HERC2: variants seen among roughly 807,000 people sequenced by gnomAD.
The protein encoded by HERC2 is HECT and RLD domain containing E3 ubiquitin protein ligase 2, also known as E3 ubiquitin-protein ligase HERC2.
HERC2 carries 102 observed loss-of-function variants against 537.7 expected under a neutral mutation model. The observed-to-expected ratio is 0.19, with a 90% CI of 0.16 to 0.22. HERC2 has a LOEUF of 0.22. Ranked by LOEUF, HERC2 falls within the 10% of genes least tolerant of loss-of-function variation. The pLI is 1.00. For synonymous variants in HERC2, 2,224 were observed against 2,466.2 expected (o/e 0.90, Z 2.91); for missense variants, 4,236 against 6,198.2 (o/e 0.68, Z 10.63).
At chr15:28,316,019 G>A (rs561536828) in intron 2 of HERC2, 51 of 341,318 alleles carry the variant, frequency 1.5e-4, no homozygotes, top group African/African-American at 8.6e-4. Context: ...ATTTGTGGCC[G>A]AGTGTAACAA....
chr15:28,303,738 T>A (rs1399232511), intron 2 of HERC2, among the ~76,000 whole-genome samples: 1 of 152,262 alleles, frequency 6.6e-6, no homozygotes, highest in Non-Finnish European at 1.5e-5. Flanking sequence ...ATCACTGTTT[T>A]ACAGTTTTCG....
At chr15:28,165,550 G>A (rs1413644052) in intron 68 of HERC2, among the ~76,000 whole-genome samples, 1 of 151,930 alleles carries the variant, frequency 6.6e-6, no homozygotes, top group Non-Finnish European at 1.5e-5. Context: ...CCAGCACTTT[G>A]AGAGGATGAG....
At chr15:28,136,722 T>TC (rs1297044097) in intron 78 of HERC2, among the ~76,000 whole-genome samples, 1 of 152,236 alleles carries the variant, frequency 6.6e-6, no homozygotes, top group African/African-American at 2.4e-5. Context: ...TTATAATATG[T>TC]CCAGGGCTGC....
At chr15:28,225,726 AAAG>A (rs1901076472) in intron 35 of HERC2, among the ~76,000 whole-genome samples, 2 of 151,764 alleles carry the variant, frequency 1.3e-5, no homozygotes, top group African/African-American at 2.4e-5. Context: ...GAAAGAAAAA[AAAG>A]AAGATGCAAA....
At chr15:28,178,644 G>A (rs1895525574) in intron 59 of HERC2, among the ~76,000 whole-genome samples, 1 of 152,120 alleles carries the variant, frequency 6.6e-6, no homozygotes, top group Non-Finnish European at 1.5e-5. Context: ...TTCATAGATG[G>A]TTTTGGGAAT....
At chr15:28,278,687 T>C (rs2075943443) in intron 5 of HERC2, among the ~76,000 whole-genome samples, 1 of 152,204 alleles carries the variant, frequency 6.6e-6, no homozygotes, top group South Asian at 2.1e-4. Flanking sequence ...GTACCGCTCC[T>C]GTCTCTGGGG....
intron 2 of HERC2, chr15:28,315,853 G>C: frequency 1.8e-6 from 1 of 560,034 alleles, no homozygotes; most frequent in South Asian, 1.7e-5. Context: ...CAAGTTGTGG[G>C]ACTGCATGCC....
At chr15:28,159,596 G>T (rs569786447) in intron 69 of HERC2, among the ~76,000 whole-genome samples, 143 of 152,100 alleles carry the variant, frequency 9.4e-4, no homozygotes, top group Non-Finnish European at 1.8e-3. Context: ...CTCCTTTAAG[G>T]ACTTCTCTGC....
intron 2 of HERC2, among the ~76,000 whole-genome samples, chr15:28,313,634 G>A (rs1359306833): frequency 7.9e-5 from 12 of 152,226 alleles, no homozygotes; most frequent in African/African-American, 2.7e-4. Context: ...ATTTGCAGAT[G>A]AGTAAAGGTA....
rs1394968579 is a variant in HERC2, at chr15:28,169,493, A to G, written c.10220T>C (p.Met3407Thr). 1.9e-6 allele frequency: 3 copies of G among 1,587,144 alleles called. No individual in the cohort carries two copies. The highest frequency in any genetic ancestry group is 1.8e-5 in the Admixed American group (1 of 56,084). The change falls in exon 66 of 93, where the codon ATG becomes ACG. Residue 3407 changes from methionine (M) to threonine (T), a missense_variant. By Grantham distance (81) the Met-to-Thr change is moderately conservative. Transcript: ENST00000261609. ...LSHILTALQI[M>T]YARDAVVGAL... ...TAGCACAGAAGCCTACCTGGCATAC[A>G]TGATTTGCAATGCTGTAAGAATATG... is the stretch of plus-strand genomic sequence containing the variant.
intron 2 of HERC2, among the ~76,000 whole-genome samples, chr15:28,304,955 A>C (rs1441879168): frequency 1.4e-5 from 2 of 146,756 alleles, no homozygotes; most frequent in African/African-American, 5.0e-5. Flanking sequence ...TATGAGTGAG[A>C]ATATGCGGTG....
rs1167859188 is a variant in HERC2 at position 28,284,273 on chromosome 15, T to TA, written c.323-3987dup. Among the ~76,000 whole-genome samples the TA allele has an allele frequency of 9.3e-5, 14 of 151,256 alleles. No homozygotes were observed. In the East Asian group the frequency reaches 2.5e-3, roughly 27 times the overall value. On this transcript the variant is annotated intron_variant, in intron 4 of 92. Coordinates refer to ENST00000261609, the MANE Select transcript of HERC2 (RefSeq NM_004667.6). ...AAGATACACTCTAAAACACTACAGA[T>TA]AAAATAGAATGCTAAAAATGGTCAA...
At chr15:28,115,193 G>A (rs1041857861) in intron 89 of HERC2, 60 of 523,656 alleles carry the variant, frequency 1.1e-4, no homozygotes, top group Admixed American at 2.7e-4. Flanking sequence ...CTTCTTCACA[G>A]GGGAGGCAGT....
Position 28,240,246 on chromosome 15 carries a change from A to G in HERC2, c.3578-1474T>C, listed in dbSNP as rs113408811. On this transcript the variant is annotated intron_variant, in intron 23 of 92. Coordinates refer to ENST00000261609, the MANE Select transcript of HERC2 (RefSeq NM_004667.6). Reference sequence around the variant, plus strand: ...ATCCTGGCTAACACGGTGAAACCCCATCTCTACTAAAAATACAAAAAATTA... The same window carrying G: ...ATCCTGGCTAACACGGTGAAACCCCGTCTCTACTAAAAATACAAAAAATTA... 2.6e-3 allele frequency among the ~76,000 whole-genome samples: 398 copies of G among 151,858 alleles called. 1 individual carries two copies. Among genetic ancestry groups the G allele is most frequent in the African/African-American group, 7.7e-3 (320 of 41,334 alleles).
At position 28,268,026 on chromosome 15, in the gene HERC2, T is replaced by A. The variant is rs1435072563; in HGVS notation, c.1598+439A>T. On this transcript the variant is annotated intron_variant, in intron 12 of 92. Transcript: ENST00000261609. This position sits in a 1 kb window ranked among gnomAD's most constrained non-coding sequence, Gnocchi z 4.7. The stretch of plus-strand genomic sequence containing the variant: ...TTCTGTTTCATTTGTTCTTTCACAA[T>A]AAAAGGTTCCACTGAGTAGGATAAT... 2.6e-5 allele frequency among the ~76,000 whole-genome samples: 4 copies of A among 152,212 alleles called. No individual in the cohort carries two copies. Among genetic ancestry groups the A allele is most frequent in the Non-Finnish European group, 5.9e-5 (4 of 68,014 alleles).
intron 35 of HERC2, among the ~76,000 whole-genome samples, chr15:28,224,704 A>G (rs1482136531): frequency 3.3e-5 from 5 of 152,228 alleles, no homozygotes; most frequent in Non-Finnish European, 7.3e-5. Context: ...CAGAATACAC[A>G]TTCTTCTCAA....
chr15:28,292,265 A>T (rs2076338363), intron 4 of HERC2, among the ~76,000 whole-genome samples: 1 of 149,622 alleles, frequency 6.7e-6, no homozygotes, highest in African/African-American at 2.5e-5. Flanking sequence ...CAGGCAAAGT[A>T]TTTGAATAGA....
chr15:28,262,104 C>G (rs1447605561), intron 15 of HERC2, among the ~76,000 whole-genome samples: 1 of 152,212 alleles, frequency 6.6e-6, no homozygotes, highest in Non-Finnish European at 1.5e-5. Flanking sequence ...TGATGTACCT[C>G]TCACACTGCC....
Position 28,132,834 on chromosome 15 carries a change from CA to C in HERC2, c.12231-5del. ...GACACGAGGGCGGTCACACGGACTG[CA>C]AAAAAGTCACCAAATATAATGGAAA... On this transcript the variant is annotated splice_polypyrimidine_tract_variant and splice_region_variant and intron_variant, in intron 79 of 92. Transcript: ENST00000261609. 7 of 1,523,878 alleles carry C rather than the reference CA, an allele frequency of 4.6e-6. No individual in the cohort carries two copies. Among genetic ancestry groups the C allele is most frequent in the African/African-American group, 1.4e-5 (1 of 70,608 alleles). 94.4% of individuals were successfully genotyped at this position (1,523,878 alleles called of 1,614,324 possible).
Sources: gnomAD v4.1 joint callset for allele counts (sites outside exome capture counted in the v4.1 genomes callset) on GRCh38, gnomAD v4.1.1 for gene constraint, Gnocchi (gnomAD v3.1) non-coding constraint, MANE v1.5 for transcripts, NCBI Gene and HGNC (gene_info 2026-07-23, HGNC 2026-07-21) for gene names.